The following PDE10A variants were observed in gnomAD, a reference collection of about 807,000 sequenced individuals.
PDE10A encodes phosphodiesterase 10A.
PDE10A carries 39 observed loss-of-function variants against 97.7 expected under a neutral mutation model. The observed-to-expected ratio is 0.40, with a 90% CI of 0.31 to 0.52. The LOEUF (loss-of-function observed/expected upper bound fraction) is 0.52. Ranked by LOEUF, PDE10A falls within the 20% of genes least tolerant of loss-of-function variation. The probability of loss-of-function intolerance (pLI) is 0.56; values close to 1 mark genes in which losing one functional copy is unlikely to be tolerated. For missense variants in PDE10A, 731 were observed against 1,047.8 expected (o/e 0.70, Z 4.17); for synonymous variants, 371 against 376.8 (o/e 0.98, Z 0.18).
chr6:165,516,918 T>G (rs73247766), intron 2 of PDE10A, among the ~76,000 whole-genome samples: 2,082 of 152,268 alleles, frequency 0.014, 43 homozygotes, highest in African/African-American at 0.048. Context: ...AATATATAAT[T>G]ACTCTAAAGA....
chr6:165,415,535 C>G (rs1316328578), intron 12 of PDE10A, among the ~76,000 whole-genome samples: 1 of 152,080 alleles, frequency 6.6e-6, no homozygotes, highest in Non-Finnish European at 1.5e-5. Flanking sequence ...CAAAACAAAA[C>G]AAAAAATCTT....
At chr6:165,557,929 A>G (rs1191448898) in intron 1 of PDE10A, among the ~76,000 whole-genome samples, 1 of 152,238 alleles carries the variant, frequency 6.6e-6, no homozygotes, top group African/African-American at 2.4e-5. Context: ...GACGTGATTA[A>G]TTCTAAGTGT....
At chr6:165,925,979 T>C (rs1231110603) in intron 1 of PDE10A, among the ~76,000 whole-genome samples, 1 of 152,222 alleles carries the variant, frequency 6.6e-6, no homozygotes, top group Non-Finnish European at 1.5e-5. Flanking sequence ...TGGGGGGAAC[T>C]GCAAGAAGGG....
At chr6:165,552,856 CTT>C (rs1784083109) in intron 1 of PDE10A, among the ~76,000 whole-genome samples, 1 of 152,076 alleles carries the variant, frequency 6.6e-6, no homozygotes, top group Non-Finnish European at 1.5e-5. Context: ...CTTAGTAATC[CTT>C]TGTCTTGTAT....
In PDE10A at chr6:165,895,788, C is replaced by T. The variant is rs75010600; in HGVS notation, c.-615+91741G>A. ...ACTAGAATGTTGCCTGTGAGGGCCT[C>T]GGCATCCTCAGTACTTTCATTCCGG... On this transcript the variant is annotated intron_variant, in intron 1 of 19. Coordinates refer to the PDE10A transcript ENST00000366882. 3.0e-3 allele frequency among the ~76,000 whole-genome samples: 455 copies of T among 152,202 alleles called. 3 individuals carry two copies. Among genetic ancestry groups the T allele is most frequent in the African/African-American group, 9.0e-3 (374 of 41,532 alleles).
intron 2 of PDE10A, among the ~76,000 whole-genome samples, chr6:165,519,609 GC>G (rs1489809264): frequency 6.6e-6 from 1 of 152,066 alleles, no homozygotes; most frequent in African/African-American, 2.4e-5. Context: ...TATTTGCCTT[GC>G]CTTGCTTCAT....
chr6:165,783,762 T>A (rs964468051), intron 1 of PDE10A, among the ~76,000 whole-genome samples: 4 of 152,280 alleles, frequency 2.6e-5, no homozygotes, highest in African/African-American at 9.6e-5. Flanking sequence ...ATAGAGCCCA[T>A]CTATGTCAAC....
chr6:165,951,783 C>T (rs1275846696), intron 1 of PDE10A, among the ~76,000 whole-genome samples: 1 of 152,232 alleles, frequency 6.6e-6, no homozygotes, highest in Non-Finnish European at 1.5e-5. Context: ...GGCACATCTT[C>T]TCCATGCAAG....
intron 1 of PDE10A, among the ~76,000 whole-genome samples, chr6:165,610,267 G>A (rs1787426306): frequency 6.6e-6 from 1 of 152,206 alleles, no homozygotes; most frequent in African/African-American, 2.4e-5. Flanking sequence ...GAAACGGCCA[G>A]GCCCGGTGGC....
At chr6:165,767,731 ATG>A (rs1777897707) in intron 1 of PDE10A, among the ~76,000 whole-genome samples, 1 of 152,198 alleles carries the variant, frequency 6.6e-6, no homozygotes, top group African/African-American at 2.4e-5. Flanking sequence ...ATTATTAGTA[ATG>A]CTGCTACGAA....
chr6:165,823,960 T>C (rs1315895746), intron 1 of PDE10A, among the ~76,000 whole-genome samples: 1 of 152,236 alleles, frequency 6.6e-6, no homozygotes, highest in African/African-American at 2.4e-5. Context: ...TACTTTTTAT[T>C]GCTACATAAA....
At chr6:165,673,268 C>T (rs776331959) in intron 1 of PDE10A, among the ~76,000 whole-genome samples, 9 of 152,230 alleles carry the variant, frequency 5.9e-5, no homozygotes, top group Non-Finnish European at 8.8e-5. Flanking sequence ...ACCCCTAGTG[C>T]ATGTATATAG....
intron 1 of PDE10A, among the ~76,000 whole-genome samples, chr6:165,790,575 G>A (rs1340637701): frequency 6.6e-6 from 1 of 152,144 alleles, no homozygotes; most frequent in Non-Finnish European, 1.5e-5. Flanking sequence ...GTGGGCAGGG[G>A]TAAGTTGCCC....
chr6:165,392,298 T>C (rs1325735642), intron 16 of PDE10A, among the ~76,000 whole-genome samples: 1 of 152,182 alleles, frequency 6.6e-6, no homozygotes, highest in African/African-American at 2.4e-5. Context: ...GGTTCTCAAA[T>C]AGGCAGGATA....
intron 21 of PDE10A, among the ~76,000 whole-genome samples, chr6:165,334,423 G>A (rs975403846): frequency 4.0e-5 from 6 of 151,112 alleles, no homozygotes; most frequent in Non-Finnish European, 8.8e-5. Flanking sequence ...CGCCGGGCAC[G>A]CGCCTCTATA....
chr6:165,984,556 G>A (rs1185212086), intron 1 of PDE10A, among the ~76,000 whole-genome samples: 1 of 152,178 alleles, frequency 6.6e-6, no homozygotes, highest in Admixed American at 6.5e-5. Context: ...TTTACAGAGC[G>A]ACCCGAGGTC....
chr6:165,576,173 T>G (rs1026849216), intron 1 of PDE10A, among the ~76,000 whole-genome samples: 1 of 152,188 alleles, frequency 6.6e-6, no homozygotes, highest in Non-Finnish European at 1.5e-5. Context: ...AACTAACCCA[T>G]CCAGTATGAA....
At chr6:165,639,031 G>A (rs1789006137) in intron 1 of PDE10A, among the ~76,000 whole-genome samples, 1 of 151,502 alleles carries the variant, frequency 6.6e-6, no homozygotes, top group Non-Finnish European at 1.5e-5. Flanking sequence ...AAGAAGGAAG[G>A]GAGGGAAGGA....
At chr6:165,821,211 G>A (rs62425079) in intron 1 of PDE10A, among the ~76,000 whole-genome samples, 19,611 of 152,132 alleles carry the variant, frequency 0.13, 1,707 homozygotes, top group East Asian at 0.38. Context: ...AGTGGATGCC[G>A]GCCTGGATTC....
Sources: allele counts gnomAD v4.1 joint callset (sites outside exome capture counted in the v4.1 genomes callset), GRCh38; gene constraint gnomAD v4.1.1; transcripts MANE v1.5; gene names NCBI Gene and HGNC (gene_info 2026-07-23, HGNC 2026-07-21).